Variants in RPF2 observed in about 807,000 individuals in gnomAD.
RPF2 encodes the protein ribosome production factor 2 homolog, also known as brix domain containing 1.
Under a neutral mutation model 38.9 loss-of-function variants are expected in RPF2, and 21 were observed. The ratio of observed to expected loss-of-function variants is 0.54; its 90% CI spans 0.38 to 0.78. The LOEUF (loss-of-function observed/expected upper bound fraction) is 0.78. RPF2 is among the 30% of genes least tolerant of loss of function. The pLI, the probability that RPF2 is intolerant of heterozygous loss-of-function variation, is 0.00. For missense variants in RPF2, 314 were observed against 358.1 expected, an observed-to-expected ratio of 0.88 and a Z score of 0.99; for synonymous variants, 121 against 126.2, an observed-to-expected ratio of 0.96 and a Z score of 0.28.
chr6:110,983,488 T>C (rs1420455445), intron 1 of RPF2, among the ~76,000 whole-genome samples: 1 of 152,068 alleles, frequency 6.6e-6, no homozygotes, highest in Non-Finnish European at 1.5e-5. Context: ...GCTGGGACTA[T>C]AGGCGCACAC....
chr6:111,022,143 G>A (rs1428965739), intron 8 of RPF2, among the ~76,000 whole-genome samples: 8 of 152,196 alleles, frequency 5.3e-5, no homozygotes, highest in African/African-American at 1.9e-4. Context: ...AGGCCTTATG[G>A]GGGGAAATAT....
intron 4 of RPF2, among the ~76,000 whole-genome samples, chr6:110,994,058 C>T (rs149950262): frequency 2.6e-5 from 4 of 152,202 alleles, no homozygotes; most frequent in African/African-American, 9.6e-5. Flanking sequence ...GTGTGGATCA[C>T]CTAAGGTCAG....
intron 8 of RPF2, among the ~76,000 whole-genome samples, chr6:111,021,001 A>G (rs1386641376): frequency 4.6e-5 from 7 of 151,912 alleles, no homozygotes; most frequent in Non-Finnish European, 1.0e-4. Flanking sequence ...AACATCATCT[A>G]TACTAAAAAT....
At chr6:110,994,006 G>T (rs1771663857) in intron 4 of RPF2, among the ~76,000 whole-genome samples, 1 of 152,222 alleles carries the variant, frequency 6.6e-6, no homozygotes, top group African/African-American at 2.4e-5. Flanking sequence ...GCTGGGCATG[G>T]TGGCTCATGC....
At chr6:111,018,717 G>C (rs558527190) in intron 8 of RPF2, among the ~76,000 whole-genome samples, 3 of 152,122 alleles carry the variant, frequency 2.0e-5, no homozygotes, top group Non-Finnish European at 1.5e-5. Context: ...AATAAATGAG[G>C]CAAAATGCAG....
chr6:111,002,387 T>C (rs921520433), intron 6 of RPF2, among the ~76,000 whole-genome samples: 4 of 152,180 alleles, frequency 2.6e-5, no homozygotes, highest in Non-Finnish European at 4.4e-5. Flanking sequence ...GTTGCCCAGG[T>C]TGGAGTACAG....
In RPF2 at chr6:110,994,734, T is replaced by TATATATATATATATAC. The variant is rs1436106936; in HGVS notation, c.235-2448_235-2447insTATATATATATATACA. Among the ~76,000 whole-genome samples the TATATATATATATATAC allele has an allele frequency of 1.5e-4, 20 of 134,136 alleles. 1 individual carries two copies. Among genetic ancestry groups the TATATATATATATATAC allele is most frequent in the African/African-American group, 4.5e-4 (14 of 31,246 alleles). The allele number at this position is 134,136 out of a possible 152,430, so 88.0% of individuals were successfully genotyped here. On this transcript the variant is annotated intron_variant, in intron 4 of 9. Transcript: ENST00000441448. Reference sequence around the variant, plus strand: ...TTGTGGAGAATGGGATGAGTATATATACACACACACACACACACACACACA... The same window carrying TATATATATATATATAC: ...TTGTGGAGAATGGGATGAGTATATATATATATATATATATACACACACACACACACACACACACACA...
rs577786887 is a variant in RPF2, at chr6:111,004,186, T to G, written c.394-3852T>G. ...CATGTGACTAGCATTTTATTTTTAT[T>G]TTTATTTTTATTTTTAGATGGAGTC... On this transcript the variant is annotated intron_variant, in intron 6 of 9. Coordinates refer to ENST00000441448, the MANE Select transcript of RPF2 (RefSeq NM_032194.3). Among the ~76,000 whole-genome samples the G allele has an allele frequency of 2.4e-4, 36 of 151,004 alleles. No individual in the cohort carries two copies. The South Asian group carries it at 7.3e-3, about 31-fold the overall frequency.
chr6:111,011,535 G>A (rs1256226683), intron 7 of RPF2, among the ~76,000 whole-genome samples: 3 of 151,988 alleles, frequency 2.0e-5, no homozygotes, highest in Non-Finnish European at 4.4e-5. Context: ...TGATCTGCCT[G>A]CCCTGGCCTC....
chr6:110,983,795 GC>G (rs1771473062), intron 1 of RPF2, among the ~76,000 whole-genome samples: 3 of 139,596 alleles, frequency 2.1e-5, no homozygotes, highest in Admixed American at 6.9e-5. Context: ...GGAGGCTGAG[GC>G]GGGGGGGTGG....
chr6:111,024,594 TC>T (rs1772290673), intron 9 of RPF2, among the ~76,000 whole-genome samples: 1 of 151,272 alleles, frequency 6.6e-6, no homozygotes, highest in Admixed American at 6.6e-5. Flanking sequence ...GCGCCTGTAG[TC>T]CCAGCTACTT....
At chr6:111,007,239 G>C (rs960807410) in intron 6 of RPF2, among the ~76,000 whole-genome samples, 11 of 152,098 alleles carry the variant, frequency 7.2e-5, no homozygotes, top group African/African-American at 2.7e-4. Context: ...TGGTTGCTTG[G>C]TTGGTTGTGT....
At position 110,999,769 on chromosome 6, in the gene RPF2, C is replaced by G. The variant is rs1374936510; in HGVS notation, c.375C>G (p.Val125=). 1 of 1,585,872 alleles carries G rather than the reference C, an allele frequency of 6.3e-7. No homozygotes were observed. The highest frequency in any genetic ancestry group is 8.7e-7 in the Non-Finnish European group (1 of 1,154,720). The part of the protein sequence containing the change: ...DMIELGIENF[V]SLKDIKNSKC... ...TTGAATTAGGTATTGAGAATTTTGTCTCTCTAAAAGACATTAAGGTAAGAT... is the reference window on the plus strand; with the variant it reads ...TTGAATTAGGTATTGAGAATTTTGTGTCTCTAAAAGACATTAAGGTAAGAT... Residue 125 remains valine, a synonymous_variant, in exon 6 of 10, where the codon GTC becomes GTG. Coordinates refer to ENST00000441448, the MANE Select transcript of RPF2 (RefSeq NM_032194.3).
At position 110,994,366 on chromosome 6, in the gene RPF2, C is replaced by T. The variant is rs192839035; in HGVS notation, c.234+2580C>T. ...TTGGTAGGATGAAGTGGGAGGATTG[C>T]GTGGGGCCAGGATTTCTAGACCAGC... On this transcript the variant is annotated intron_variant, in intron 4 of 9. Transcript: ENST00000441448. Among the ~76,000 whole-genome samples the T allele has an allele frequency of 4.0e-5, 6 of 151,730 alleles. 1 individual carries two copies. Among genetic ancestry groups the T allele is most frequent in the Admixed American group, 2.6e-4 (4 of 15,216 alleles).
intron 1 of RPF2, among the ~76,000 whole-genome samples, chr6:110,983,611 T>C (rs6900618): frequency 0.25 from 37,609 of 152,100 alleles, 5,374 homozygotes; most frequent in East Asian, 0.65. Context: ...CTAGAGTGTT[T>C]TTATTACAGG....
chr6:111,006,782 A>G (rs73526790), intron 6 of RPF2, among the ~76,000 whole-genome samples: 4,217 of 151,968 alleles, frequency 0.028, 126 homozygotes, highest in African/African-American at 0.083. Flanking sequence ...AATTTTTAAA[A>G]GTTTTTTTTG....
At chr6:110,994,723 A>G (rs1251395069) in intron 4 of RPF2, among the ~76,000 whole-genome samples, 1 of 126,754 alleles carries the variant, frequency 7.9e-6, no homozygotes, top group South Asian at 2.8e-4. Context: ...GGAGAATGGG[A>G]TGAGTATATA....
intron 1 of RPF2, among the ~76,000 whole-genome samples, chr6:110,983,803 GT>G (rs36110518): frequency 0.058 from 5,655 of 97,838 alleles, 494 homozygotes; most frequent in East Asian, 0.52. Flanking sequence ...AGGCGGGGGG[GT>G]GGGTCACGAG....
At chr6:111,019,158 G>A (rs774736597) in intron 8 of RPF2, among the ~76,000 whole-genome samples, 2 of 152,042 alleles carry the variant, frequency 1.3e-5, no homozygotes, top group Non-Finnish European at 2.9e-5. Flanking sequence ...GAGAGTGGGC[G>A]GATCACTTGA....
Sources: allele counts gnomAD v4.1 joint callset (sites outside exome capture counted in the v4.1 genomes callset), GRCh38; gene constraint gnomAD v4.1.1; transcripts MANE v1.5; gene names NCBI Gene and HGNC (gene_info 2026-07-23, HGNC 2026-07-21).